Variants in TCF4 observed in about 807,000 individuals in gnomAD.
TCF4 encodes SL3-3 enhancer factor 2.
In TCF4, 3 loss-of-function variants were observed where a neutral mutation model predicts 82.1. The ratio of observed to expected loss-of-function variants is 0.04; its 90% CI spans 0.02 to 0.09. The LOEUF (loss-of-function observed/expected upper bound fraction) is 0.09. TCF4 is among the 10% of genes least tolerant of loss of function. The pLI, the probability that TCF4 is intolerant of heterozygous loss-of-function variation, is 1.00. For synonymous variants in TCF4, 276 were observed against 309.6 expected (o/e 0.89, Z 1.14); for missense variants, 518 against 852.7 (o/e 0.61, Z 4.89).
chr18:55,228,388 T>C, intron 18 of TCF4, 27 bp from the exon 19 acceptor site: 1 of 1,612,538 alleles, frequency 6.2e-7, no homozygotes, highest in Non-Finnish European at 8.5e-7. Flanking sequence ...CACAGAACCT[T>C]TGTTTAATGC....
At chr18:55,561,681 TTG>T (rs1487560221) in intron 3 of TCF4, among the ~76,000 whole-genome samples, 4 of 152,236 alleles carry the variant, frequency 2.6e-5, no homozygotes, top group African/African-American at 4.8e-5. Flanking sequence ...TACTTTTAGT[TTG>T]TGTTTTAATT....
chr18:55,412,712 T>G (rs1483311415), intron 5 of TCF4, among the ~76,000 whole-genome samples: 2 of 152,246 alleles, frequency 1.3e-5, no homozygotes, highest in East Asian at 1.9e-4. Flanking sequence ...AGAGACAACA[T>G]CATCTGGGCA....
intron 3 of TCF4, among the ~76,000 whole-genome samples, chr18:55,489,786 A>G (rs977904300): frequency 2.0e-5 from 3 of 152,190 alleles, no homozygotes; most frequent in Admixed American, 2.0e-4. Flanking sequence ...ACCAACACTC[A>G]ATGAGAGTCT....
intron 2 of TCF4, among the ~76,000 whole-genome samples, chr18:55,630,215 A>G (rs2097730293): frequency 1.3e-5 from 2 of 152,212 alleles, no homozygotes; most frequent in African/African-American, 2.4e-5. Context: ...TGTGTTAGAT[A>G]ATTATAACAT....
intron 3 of TCF4, among the ~76,000 whole-genome samples, chr18:55,546,179 A>T (rs11874618): frequency 6.6e-6 from 1 of 152,038 alleles, no homozygotes; most frequent in Non-Finnish European, 1.5e-5. Flanking sequence ...CCACAAAAAA[A>T]ATTTTTTAAA....
intron 6 of TCF4, among the ~76,000 whole-genome samples, chr18:55,377,874 A>G (rs2091129474): frequency 6.6e-6 from 1 of 152,200 alleles, no homozygotes; most frequent in South Asian, 2.1e-4. Context: ...TGCCACCATT[A>G]ACTACTTTGT....
At chr18:55,609,549 A>G (rs2097705225) in intron 2 of TCF4, among the ~76,000 whole-genome samples, 1 of 152,172 alleles carries the variant, frequency 6.6e-6, no homozygotes, top group Admixed American at 6.5e-5. Context: ...GTGTGTACAG[A>G]GGAACGTGAT....
At chr18:55,277,397 C>A (rs2061658218) in intron 9 of TCF4, among the ~76,000 whole-genome samples, 1 of 151,892 alleles carries the variant, frequency 6.6e-6, no homozygotes, top group Admixed American at 6.6e-5. Flanking sequence ...AATGTGATAC[C>A]CTGGGTGGCA....
At chr18:55,406,477 T>C (rs2094096572) in intron 5 of TCF4, among the ~76,000 whole-genome samples, 1 of 152,180 alleles carries the variant, frequency 6.6e-6, no homozygotes. Context: ...TTTGTGTAAA[T>C]TATCCATTAA....
chr18:55,628,266 T>G (rs1187798186), intron 2 of TCF4, among the ~76,000 whole-genome samples: 1 of 152,124 alleles, frequency 6.6e-6, no homozygotes. Flanking sequence ...AAGGCTGAAC[T>G]CTCATGTGTA....
intron 6 of TCF4, among the ~76,000 whole-genome samples, chr18:55,384,790 A>G (rs2092429908): frequency 6.6e-6 from 1 of 152,134 alleles, no homozygotes; most frequent in African/African-American, 2.4e-5. Flanking sequence ...CTGAGCTTTC[A>G]CAAGTACCTC....
chr18:55,474,315 G>C (rs1424176451), intron 3 of TCF4, among the ~76,000 whole-genome samples: 2 of 152,126 alleles, frequency 1.3e-5, no homozygotes, highest in African/African-American at 4.8e-5. Context: ...GTAAGAGAAT[G>C]AAAGTTTTAG....
chr18:55,439,471 G>T (rs2095396527), intron 5 of TCF4, among the ~76,000 whole-genome samples: 1 of 152,158 alleles, frequency 6.6e-6, no homozygotes, highest in Non-Finnish European at 1.5e-5. Context: ...GAGTGAGGAA[G>T]AAGTGACTTC....
rs1364038628 is a variant in TCF4, at chr18:55,255,738, TA to T, written c.1147-1039del. ...TGAGGCTCAAAGACACAAAGTGAAT[TA>T]GTTACGTAGTGTCACACTGCTAGGA... On this transcript the variant is annotated intron_variant, in intron 14 of 19. Transcript: ENST00000354452. 3.3e-5 allele frequency among the ~76,000 whole-genome samples: 5 copies of T among 152,230 alleles called. No individual in the cohort carries two copies. The East Asian group carries it at 9.7e-4, about 29-fold the overall frequency.
intron 3 of TCF4, among the ~76,000 whole-genome samples, chr18:55,522,644 A>G (rs1274767100): frequency 6.6e-6 from 1 of 152,170 alleles, no homozygotes; most frequent in Non-Finnish European, 1.5e-5. Context: ...GACAAACTTG[A>G]AAAGTTCTCT....
chr18:55,350,550 A>G, intron 7 of TCF4, 142 bp from the exon 8 acceptor site: 1 of 892,026 alleles, frequency 1.1e-6, no homozygotes, highest in South Asian at 1.4e-5. Flanking sequence ...ATCACATTCG[A>G]TTCTAGCAGA....
chr18:55,428,919 A>T (rs2095086784), intron 5 of TCF4, among the ~76,000 whole-genome samples: 1 of 152,208 alleles, frequency 6.6e-6, no homozygotes, highest in Admixed American at 6.5e-5. Flanking sequence ...CTGGAGAAGG[A>T]GGAGAAGATA....
At chr18:55,404,105 T>C (rs1346707431) in intron 5 of TCF4, 3 of 1,004,670 alleles carry the variant, frequency 3.0e-6, no homozygotes. Context: ...AAAAATTGCC[T>C]ACTCTGAACC....
chr18:55,409,933 G>A (rs1409802388), intron 5 of TCF4, among the ~76,000 whole-genome samples: 1 of 152,050 alleles, frequency 6.6e-6, no homozygotes, highest in Non-Finnish European at 1.5e-5. Flanking sequence ...GAAGAGTACT[G>A]GTTCTCTCCT....
Sources: gnomAD v4.1 joint callset for allele counts (sites outside exome capture counted in the v4.1 genomes callset) on GRCh38, gnomAD v4.1.1 for gene constraint, MANE v1.5 for transcripts, NCBI Gene and HGNC (gene_info 2026-07-23, HGNC 2026-07-21) for gene names.